Variants in RPIA observed in about 807,000 individuals in gnomAD.
RPIA encodes the protein ribose 5-phosphate isomerase A.
In RPIA, 29 loss-of-function variants were observed where a neutral mutation model predicts 37.8. The ratio of observed to expected loss-of-function variants is 0.77; its 90% CI spans 0.57 to 1.05. The LOEUF is 1.05. Among genes scored for constraint, RPIA ranks in the 50% least tolerant of loss-of-function variants. The pLI, the probability that RPIA is intolerant of heterozygous loss-of-function variation, is 0.00. For synonymous variants in RPIA, 167 were observed against 157.0 expected (o/e 1.06, Z -0.48); for missense variants, 385 against 413.6 (o/e 0.93, Z 0.60).
chr2:88,697,687 A>C (rs970584393), intron 1 of RPIA, among the ~76,000 whole-genome samples: 17 of 152,178 alleles, frequency 1.1e-4, no homozygotes, highest in Non-Finnish European at 2.4e-4. Flanking sequence ...AGTGCTCTGC[A>C]TTTATTATGA....
At position 88,738,749 on chromosome 2, in the gene RPIA, A is replaced by G. The variant is rs994379701; in HGVS notation, c.838+673A>G. Among the ~76,000 whole-genome samples the G allele has an allele frequency of 6.6e-5, 10 of 152,332 alleles. 1 individual carries two copies. The East Asian group carries it at 1.7e-3, about 26-fold the overall frequency. On this transcript the variant is annotated intron_variant, in intron 8 of 8. Transcript: ENST00000283646. ...TTTCATCCATGCCTTGGCATAACATAAGTTAAACACGGTGCTAAACGTCTA... is the reference window on the plus strand; with the variant it reads ...TTTCATCCATGCCTTGGCATAACATGAGTTAAACACGGTGCTAAACGTCTA...
At chr2:88,734,527 T>A (rs2104131736) in intron 4 of RPIA, 25 bp from the exon 5 acceptor site, 1 of 1,613,756 alleles carries the variant, frequency 6.2e-7, no homozygotes, top group South Asian at 1.1e-5. Flanking sequence ...GTGGTTTTTG[T>A]ATCTTTACCT....
chr2:88,705,034 G>T (rs1672881226), intron 3 of RPIA, among the ~76,000 whole-genome samples: 1 of 152,232 alleles, frequency 6.6e-6, no homozygotes, highest in Middle Eastern at 3.4e-3. Context: ...ATCTCTTCAA[G>T]GAGGACTACA....
chr2:88,691,714 C>G lies in RPIA; in HGVS notation c.16C>G (p.Pro6Ala). Residue 6 changes from proline to alanine, a missense_variant, in exon 1 of 9, where the codon CCC becomes GCC. This residue lies in a region of RPIA where 232 missense variants were observed against 203.0 expected (regional missense o/e 1.14). Transcript: ENST00000283646. Reference protein sequence around the residue: MQRPGPFSTLYGRVLA... With the variant: MQRPGAFSTLYGRVLA... Reference sequence around the variant, plus strand: ...AGGCGTCGGGATGCAGCGCCCCGGGCCCTTCAGCACCCTCTACGGGCGGGT... The same window carrying G: ...AGGCGTCGGGATGCAGCGCCCCGGGGCCTTCAGCACCCTCTACGGGCGGGT... 1 of 1,577,800 alleles carries G rather than the reference C, an allele frequency of 6.3e-7. No individual in the cohort carries two copies. The highest frequency in any genetic ancestry group is 8.6e-7 in the Non-Finnish European group (1 of 1,168,432).
In RPIA at chr2:88,691,924, T is replaced by A. The variant is rs765901051; in HGVS notation, c.226T>A (p.Ser76Thr). The A allele has an allele frequency of 2.7e-5, 43 of 1,597,152 alleles. No individual in the cohort carries two copies. Among genetic ancestry groups the A allele is most frequent in the Non-Finnish European group, 3.7e-5 (43 of 1,172,780 alleles). ...CATCTGCCCGGCCCCCTCCACGATG[T>A]CCAAGGCCGAGGAGGCCAAGAAGCT... is the stretch of plus-strand genomic sequence containing the variant. ...NSICPAPSTMSKAEEAKKLAG... is the reference protein window; with the variant it reads ...NSICPAPSTMTKAEEAKKLAG... Residue 76 changes from serine to threonine, a missense_variant, in exon 1 of 9, where the codon TCC becomes ACC. Around this residue, in one of 2 missense-constraint regions of RPIA, gnomAD observed 232 missense variants for 203.0 expected, o/e 1.14. Transcript: ENST00000283646.
At chr2:88,707,328 T>C (rs1367912971) in intron 3 of RPIA, among the ~76,000 whole-genome samples, 1 of 152,078 alleles carries the variant, frequency 6.6e-6, no homozygotes, top group African/African-American at 2.4e-5. Flanking sequence ...CGTTGTTAAA[T>C]ACACTTTTAG....
At chr2:88,701,733 G>T (rs1455853115) in intron 3 of RPIA, among the ~76,000 whole-genome samples, 1 of 96,676 alleles carries the variant, frequency 1.0e-5, no homozygotes, top group African/African-American at 3.9e-5. Context: ...GTCCCTTTCT[G>T]TTGTAATTCA....
chr2:88,691,722 C>A lies in RPIA; in HGVS notation c.24C>A (p.Ser8Arg). 6.3e-7 allele frequency: 1 copy of A among 1,589,960 alleles called. No individual in the cohort carries two copies. Reference protein sequence around the residue: MQRPGPFSTLYGRVLAPL... With the variant: MQRPGPFRTLYGRVLAPL... ...GGATGCAGCGCCCCGGGCCCTTCAG[C>A]ACCCTCTACGGGCGGGTCTTGGCCC... Residue 8 changes from serine to arginine, a missense_variant, in exon 1 of 9, where the codon AGC becomes AGA. Around this residue, in one of 2 missense-constraint regions of RPIA, gnomAD observed 232 missense variants for 203.0 expected, o/e 1.14. Transcript: ENST00000283646.
chr2:88,714,225 C>T (rs1305904003), intron 3 of RPIA, among the ~76,000 whole-genome samples: 2 of 151,752 alleles, frequency 1.3e-5, no homozygotes, highest in Non-Finnish European at 2.9e-5. Flanking sequence ...GGATGGAGTG[C>T]AGTGGCGCGA....
At chr2:88,748,389 A>G (rs1346755225) in intron 8 of RPIA, among the ~76,000 whole-genome samples, 1 of 152,092 alleles carries the variant, frequency 6.6e-6, no homozygotes, top group Non-Finnish European at 1.5e-5. Flanking sequence ...ATGTTTGCAG[A>G]TTTTTGCTAG....
At chr2:88,693,606 C>T (rs183967334) in intron 1 of RPIA, among the ~76,000 whole-genome samples, 1 of 152,376 alleles carries the variant, frequency 6.6e-6, no homozygotes, top group East Asian at 1.9e-4. Context: ...AAAGGGTAAG[C>T]TCCTGGAGGG....
At chr2:88,729,059 G>A (rs1025249221) in intron 3 of RPIA, among the ~76,000 whole-genome samples, 7 of 152,184 alleles carry the variant, frequency 4.6e-5, no homozygotes, top group Admixed American at 2.6e-4. Flanking sequence ...ATTGGAACAG[G>A]GTCTTTGCTG....
chr2:88,716,098 A>G (rs1286954973), intron 3 of RPIA, among the ~76,000 whole-genome samples: 1 of 152,178 alleles, frequency 6.6e-6, no homozygotes, highest in Non-Finnish European at 1.5e-5. Context: ...AGACAAATCC[A>G]TATCTGATTG....
chr2:88,710,951 C>T (rs1672953719), intron 3 of RPIA, among the ~76,000 whole-genome samples: 1 of 152,216 alleles, frequency 6.6e-6, no homozygotes, highest in Non-Finnish European at 1.5e-5. Flanking sequence ...CCTGCTGAAG[C>T]AGTGAGGTGC....
intron 3 of RPIA, among the ~76,000 whole-genome samples, chr2:88,722,719 C>T (rs1673149444): frequency 1.3e-5 from 2 of 152,230 alleles, no homozygotes; most frequent in African/African-American, 2.4e-5. Flanking sequence ...GAGGTCAGGT[C>T]ACCCAATACA....
intron 3 of RPIA, among the ~76,000 whole-genome samples, chr2:88,722,310 A>T (rs1156471510): frequency 6.6e-6 from 1 of 152,206 alleles, no homozygotes; most frequent in Non-Finnish European, 1.5e-5. Flanking sequence ...ATATTTTCCT[A>T]CAATATATTT....
intron 1 of RPIA, among the ~76,000 whole-genome samples, chr2:88,695,870 A>T (rs1257361137): frequency 6.6e-6 from 1 of 152,112 alleles, no homozygotes; most frequent in Non-Finnish European, 1.5e-5. Flanking sequence ...TGTAGGTAGG[A>T]GAGGCTATAG....
intron 3 of RPIA, among the ~76,000 whole-genome samples, chr2:88,728,336 G>A (rs72930708): frequency 5.3e-5 from 8 of 152,132 alleles, no homozygotes; most frequent in South Asian, 2.1e-4. Context: ...GGTTGGCCTC[G>A]GTCATTTCAT....
chr2:88,749,200 G>C (rs1673473186), intron 8 of RPIA, among the ~76,000 whole-genome samples: 1 of 152,200 alleles, frequency 6.6e-6, no homozygotes, highest in African/African-American at 2.4e-5. Flanking sequence ...CATCAGCTTG[G>C]AAGATGAACA....
Sources: gnomAD v4.1 joint callset for allele counts (sites outside exome capture counted in the v4.1 genomes callset) on GRCh38, gnomAD v4.1.1 for gene constraint, gnomAD v4.1.1 regional missense constraint, MANE v1.5 for transcripts, NCBI Gene and HGNC (gene_info 2026-07-23, HGNC 2026-07-21) for gene names.